The following FANCL variants were observed in gnomAD, a reference collection of about 807,000 sequenced individuals.
The protein encoded by FANCL is E3 ubiquitin-protein ligase FANCL.
In FANCL, 69 loss-of-function variants were observed where a neutral mutation model predicts 59.4. The observed-to-expected ratio is 1.16, with a 90% CI of 0.96 to 1.42. The LOEUF is 1.42. Among genes scored for constraint, FANCL ranks in the 40% most tolerant of loss-of-function variants. FANCL has a pLI of 0.00. For synonymous variants in FANCL, 180 were observed against 147.1 expected (o/e 1.22, Z -1.62); for missense variants, 519 against 447.2 (o/e 1.16, Z -1.45).
chr2:58,200,777 G>T (rs930608213), intron 6 of FANCL, among the ~76,000 whole-genome samples: 8 of 151,676 alleles, frequency 5.3e-5, no homozygotes, highest in South Asian at 2.1e-4. Flanking sequence ...GTAAATATAT[G>T]ATCCTACATA....
At chr2:58,237,266 C>A (rs1048382396) in intron 1 of FANCL, among the ~76,000 whole-genome samples, 1 of 152,028 alleles carries the variant, frequency 6.6e-6, no homozygotes, top group East Asian at 1.9e-4. Flanking sequence ...TTAAATCATA[C>A]AAGTTATATT....
intron 6 of FANCL, 98 bp downstream of exon 6, chr2:58,204,032 T>C (rs896666790): frequency 6.5e-6 from 6 of 921,462 alleles, no homozygotes; most frequent in Non-Finnish European, 1.1e-5. Flanking sequence ...TATATGTATT[T>C]TTAGATGTAA....
At chr2:58,240,407 C>CAATGTAA (rs1278384433) in intron 1 of FANCL, among the ~76,000 whole-genome samples, 1 of 152,040 alleles carries the variant, frequency 6.6e-6, no homozygotes, top group African/African-American at 2.4e-5. Context: ...TATCCTGGTG[C>CAATGTAA]AATGTAAAGA....
At chr2:58,215,942 A>C (rs1303992177) in intron 5 of FANCL, among the ~76,000 whole-genome samples, 1 of 152,090 alleles carries the variant, frequency 6.6e-6, no homozygotes, top group East Asian at 1.9e-4. Flanking sequence ...GGAGAAATTA[A>C]TTGGAATTCA....
intron 7 of FANCL, among the ~76,000 whole-genome samples, chr2:58,183,617 A>G (rs1460491725): frequency 1.3e-5 from 2 of 151,994 alleles, no homozygotes; most frequent in East Asian, 3.9e-4. Context: ...GTGTGGTTAT[A>G]TTTTAAAAAT....
rs947672239 is a variant in FANCL at position 58,177,797 on chromosome 2, A to G, written c.541-11923T>C. ...AATAATAAAATAAAAAAGATTAAAA[A>G]AAAAAGAAAAAGAAAAAACAAAAAA... is the stretch of plus-strand genomic sequence containing the variant. On this transcript the variant is annotated intron_variant, in intron 7 of 13. Coordinates refer to ENST00000233741, the MANE Select transcript of FANCL (RefSeq NM_018062.4). Among the ~76,000 whole-genome samples the G allele has an allele frequency of 6.1e-4, 92 of 151,760 alleles. 1 individual carries two copies. The highest frequency in any genetic ancestry group is 2.0e-3 in the African/African-American group (83 of 41,432).
chr2:58,217,261 A>G (rs1691930455), intron 5 of FANCL, among the ~76,000 whole-genome samples: 1 of 131,008 alleles, frequency 7.6e-6, no homozygotes, highest in Non-Finnish European at 1.6e-5. Flanking sequence ...TGTTTGGCTA[A>G]AACAAGAGGA....
intron 5 of FANCL, among the ~76,000 whole-genome samples, chr2:58,217,099 T>TAC (rs1268506675): frequency 6.3e-4 from 85 of 134,580 alleles, no homozygotes; most frequent in Middle Eastern, 4.0e-3. Context: ...TTGAAAAAAA[T>TAC]ACACACACAC....
intron 7 of FANCL, among the ~76,000 whole-genome samples, chr2:58,193,625 A>C (rs1689152002): frequency 6.6e-6 from 1 of 152,132 alleles, no homozygotes. Flanking sequence ...AAAAAGCATA[A>C]GAAATTAACC....
chr2:58,175,859 G>A (rs561815644), intron 7 of FANCL, among the ~76,000 whole-genome samples: 55 of 151,872 alleles, frequency 3.6e-4, no homozygotes, highest in Admixed American at 2.2e-3. Context: ...GTTTGCAGAC[G>A]ACATGATTGT....
chr2:58,161,184 G>A lies in FANCL; in HGVS notation c.1020+338C>T, dbSNP rs115631570. ...TGCCACTTTCAACCACCTCCACCTC[G>A]GGTAAACCTATGAAGCTTACATTGT... On this transcript the variant is annotated intron_variant, in intron 12 of 13. Coordinates refer to ENST00000233741, the MANE Select transcript of FANCL (RefSeq NM_018062.4). Among the ~76,000 whole-genome samples, 641 of 151,956 alleles carry A rather than the reference G, an allele frequency of 4.2e-3. 7 individuals are homozygous for A. The highest frequency in any genetic ancestry group is 0.015 in the African/African-American group (605 of 41,510).
At chr2:58,198,694 T>C (rs1455462046) in intron 6 of FANCL, 32 bp from the exon 7 acceptor site, 1 of 1,555,126 alleles carries the variant, frequency 6.4e-7, no homozygotes, top group African/African-American at 1.4e-5. Flanking sequence ...AGACCATTTT[T>C]GCTTCTGTGT....
intron 1 of FANCL, among the ~76,000 whole-genome samples, chr2:58,237,278 T>G (rs1361176899): frequency 2.0e-5 from 3 of 152,144 alleles, no homozygotes; most frequent in African/African-American, 7.2e-5. Context: ...AGTTATATTC[T>G]GTGACCAAAA....
intron 13 of FANCL, 46 bp downstream of exon 13, chr2:58,160,062 T>A: frequency 6.2e-7 from 1 of 1,608,782 alleles, no homozygotes; most frequent in South Asian, 1.1e-5. Context: ...AACATATTAC[T>A]GAAAGCTAGG....
intron 7 of FANCL, among the ~76,000 whole-genome samples, chr2:58,169,183 C>G (rs1405122861): frequency 6.6e-6 from 1 of 152,218 alleles, no homozygotes; most frequent in Non-Finnish European, 1.5e-5. Context: ...GGATGGCCCT[C>G]TGGGACGAAG....
At chr2:58,177,088 C>T (rs1171726909) in intron 7 of FANCL, among the ~76,000 whole-genome samples, 1 of 152,222 alleles carries the variant, frequency 6.6e-6, no homozygotes, top group Non-Finnish European at 1.5e-5. Flanking sequence ...GAGATATCAT[C>T]TCACACCACT....
intron 1 of FANCL, among the ~76,000 whole-genome samples, chr2:58,234,548 T>A (rs942193197): frequency 2.0e-5 from 3 of 151,564 alleles, no homozygotes; most frequent in African/African-American, 4.8e-5. Context: ...TAATTGGAGA[T>A]CTTGGAAAGA....
At chr2:58,169,167 T>A (rs1294448738) in intron 7 of FANCL, among the ~76,000 whole-genome samples, 3 of 152,158 alleles carry the variant, frequency 2.0e-5, no homozygotes, top group Non-Finnish European at 4.4e-5. Context: ...CCAGCTGGCA[T>A]CTGGAGGATG....
intron 5 of FANCL, among the ~76,000 whole-genome samples, chr2:58,217,493 T>TA (rs1384786770): frequency 2.0e-5 from 3 of 151,644 alleles, no homozygotes; most frequent in East Asian, 3.9e-4. Context: ...AAATCTGTTT[T>TA]AAAAAAATGC....
Sources: allele counts gnomAD v4.1 joint callset (sites outside exome capture counted in the v4.1 genomes callset), GRCh38; gene constraint gnomAD v4.1.1; transcripts MANE v1.5; gene names NCBI Gene and HGNC (gene_info 2026-07-23, HGNC 2026-07-21).